Variants in AGO3 observed in about 807,000 individuals in gnomAD.
AGO3 encodes the protein argonaute RISC catalytic component 3, also known as protein argonaute-3.
A neutral mutation model predicts 105.5 loss-of-function variants in AGO3; 16 were observed. The observed-to-expected ratio is 0.15, with a 90% confidence interval of 0.10 to 0.23. The LOEUF is 0.23. Among genes scored for constraint, AGO3 ranks in the 10% least tolerant of loss-of-function variants. AGO3 has a pLI of 1.00. For synonymous variants in AGO3, 340 were observed against 367.3 expected, an observed-to-expected ratio of 0.93 and a Z score of 0.85; for missense variants, 534 against 1,088.0, an observed-to-expected ratio of 0.49 and a Z score of 7.16.
At chr1:35,992,772 G>C (rs376704422) in intron 5 of AGO3, among the ~76,000 whole-genome samples, 1 of 152,152 alleles carries the variant, frequency 6.6e-6, no homozygotes, top group Non-Finnish European at 1.5e-5. Context: ...ATTCCAAAAC[G>C]TAGTGACTCA....
chr1:36,025,827 C>T (rs2148832396), intron 11 of AGO3, among the ~76,000 whole-genome samples: 1 of 152,204 alleles, frequency 6.6e-6, no homozygotes, highest in African/African-American at 2.4e-5. Flanking sequence ...GGCCTGAGGT[C>T]AGGAGTTCAA....
chr1:35,998,303 A>C (rs1045476509), intron 5 of AGO3, among the ~76,000 whole-genome samples: 1 of 152,150 alleles, frequency 6.6e-6, no homozygotes. Context: ...AAATATGTTG[A>C]CACATATTTA....
At chr1:35,972,323 T>C in intron 4 of AGO3, 91 bp downstream of exon 4, 3 of 1,353,692 alleles carry the variant, frequency 2.2e-6, no homozygotes, top group Non-Finnish European at 3.1e-6. Context: ...ATTTGTCATA[T>C]ATTTTGATTG....
chr1:36,064,146 G>C lies in AGO3; in HGVS notation c.*8401G>C, dbSNP rs960237979. Reference sequence around the variant, plus strand: ...TGTAATCCCAGCAATTTGGGAGGCCGAGGCAGGCAGACCACCTGAGGTCAG... The same window carrying C: ...TGTAATCCCAGCAATTTGGGAGGCCCAGGCAGGCAGACCACCTGAGGTCAG... On this transcript the variant is annotated 3_prime_UTR_variant, in exon 19 of 19. Transcript: ENST00000373191. 9.2e-5 allele frequency: 14 copies of C among 152,502 alleles called. No homozygotes were observed. Among genetic ancestry groups the C allele is most frequent in the Admixed American group, 8.5e-4 (13 of 15,302 alleles). 9.4% of individuals were successfully genotyped at this position (152,502 alleles called of 1,614,324 possible). A position where few individuals can be genotyped will look rare whatever the true frequency, so the allele number is the denominator to read the frequency against.
At chr1:36,030,684 A>G (rs1403405447) in intron 12 of AGO3, among the ~76,000 whole-genome samples, 1 of 152,102 alleles carries the variant, frequency 6.6e-6, no homozygotes, top group Non-Finnish European at 1.5e-5. Flanking sequence ...AACTGTAAAC[A>G]TGCCTGGGCT....
chr1:35,965,820 CTTTT>C (rs925988577), intron 2 of AGO3, among the ~76,000 whole-genome samples: 24 of 120,170 alleles, frequency 2.0e-4, no homozygotes, highest in African/African-American at 6.6e-4. Flanking sequence ...TTGAATCTCT[CTTTT>C]TTTTTTTTTT....
chr1:35,952,110 GT>G (rs1646480378), intron 2 of AGO3, among the ~76,000 whole-genome samples: 1 of 112,980 alleles, frequency 8.9e-6, no homozygotes, highest in Non-Finnish European at 1.7e-5. Flanking sequence ...TTCTGGGTCG[GT>G]CTTTCTTTCT....
In AGO3 at chr1:36,019,912, G is replaced by A. The variant is rs956099225; in HGVS notation, c.1406+5864G>A. ...GCCTCCCAAGTAGCTGGGATTGCAA[G>A]TACCTGCCACCACACCCAGCTAATT... On this transcript the variant is annotated intron_variant, in intron 11 of 18. Coordinates refer to ENST00000373191, the MANE Select transcript of AGO3 (RefSeq NM_024852.4). 2.6e-5 allele frequency among the ~76,000 whole-genome samples: 4 copies of A among 152,254 alleles called. No homozygotes were observed. The South Asian group carries it at 6.2e-4, about 24-fold the overall frequency.
chr1:35,997,740 A>G (rs575197970), intron 5 of AGO3, among the ~76,000 whole-genome samples: 39 of 152,366 alleles, frequency 2.6e-4, no homozygotes, highest in Admixed American at 7.2e-4. Context: ...TCTGTTGCCC[A>G]GGCTGGAGTG....
intron 2 of AGO3, among the ~76,000 whole-genome samples, chr1:35,963,804 G>A (rs892001595): frequency 6.6e-6 from 1 of 152,170 alleles, no homozygotes; most frequent in Non-Finnish European, 1.5e-5. Flanking sequence ...CTGCAAAGAC[G>A]TGGTGTCAAC....
chr1:36,045,822 C>T (rs1408516577), intron 17 of AGO3, among the ~76,000 whole-genome samples: 1 of 152,164 alleles, frequency 6.6e-6, no homozygotes, highest in Non-Finnish European at 1.5e-5. Context: ...GGATTGTAGG[C>T]ATGAATCACT....
intron 15 of AGO3, 40 bp from the exon 16 acceptor site, chr1:36,040,267 T>C (rs1642191024): frequency 3.8e-6 from 6 of 1,590,456 alleles, no homozygotes; most frequent in Non-Finnish European, 5.2e-6. Flanking sequence ...TAAAAACAAA[T>C]AGCTGACTAT....
intron 2 of AGO3, among the ~76,000 whole-genome samples, chr1:35,959,450 TTA>T (rs1170820787): frequency 1.3e-5 from 2 of 152,188 alleles, no homozygotes; most frequent in Non-Finnish European, 2.9e-5. Context: ...CAGACTAAGG[TTA>T]TTAGTGAAAG....
At position 36,006,216 on chromosome 1, in the gene AGO3, G is replaced by A. The variant is rs879458018; in HGVS notation, c.793+1741G>A. Among the ~76,000 whole-genome samples the A allele has an allele frequency of 1.3e-3, 204 of 151,438 alleles. 6 individuals are homozygous for A. The highest frequency in any genetic ancestry group is 1.9e-4 in the Non-Finnish European group (13 of 67,906). Reference sequence around the variant, plus strand: ...CTCTCCTGTATCTATGGGTTTTTTAGCTGGTATGAAGAATTTGATGCTAGC... The same window carrying A: ...CTCTCCTGTATCTATGGGTTTTTTAACTGGTATGAAGAATTTGATGCTAGC... On this transcript the variant is annotated intron_variant, in intron 6 of 18. Transcript: ENST00000373191.
At chr1:36,020,219 A>G (rs573605502) in intron 11 of AGO3, among the ~76,000 whole-genome samples, 33 of 152,226 alleles carry the variant, frequency 2.2e-4, no homozygotes, top group Non-Finnish European at 4.6e-4. Context: ...ATCCTCTTAC[A>G]TAGCAATTTT....
intron 2 of AGO3, among the ~76,000 whole-genome samples, chr1:35,960,302 C>T (rs1243510309): frequency 6.6e-6 from 1 of 152,090 alleles, no homozygotes. Context: ...TGAGAATTTA[C>T]TGTCCCTAGA....
At chr1:36,017,926 G>T (rs1640991061) in intron 11 of AGO3, among the ~76,000 whole-genome samples, 1 of 151,416 alleles carries the variant, frequency 6.6e-6, no homozygotes, top group Non-Finnish European at 1.5e-5. Flanking sequence ...ACACACCATA[G>T]AAAAATAAAC....
chr1:36,039,213 A>G (rs1469074767), intron 14 of AGO3, among the ~76,000 whole-genome samples: 1 of 152,160 alleles, frequency 6.6e-6, no homozygotes, highest in Non-Finnish European at 1.5e-5. Flanking sequence ...AAGATGGGGT[A>G]GGCTGGGTGC....
intron 6 of AGO3, among the ~76,000 whole-genome samples, chr1:36,006,613 A>G (rs527586802): frequency 3.3e-5 from 5 of 152,112 alleles, no homozygotes; most frequent in Non-Finnish European, 7.4e-5. Context: ...TCTTCATATT[A>G]TTAGTATTTC....
Sources: allele counts gnomAD v4.1 joint callset (sites outside exome capture counted in the v4.1 genomes callset), GRCh38; gene constraint gnomAD v4.1.1; transcripts MANE v1.5; gene names NCBI Gene and HGNC (gene_info 2026-07-23, HGNC 2026-07-21).